ZNF385B: variants seen among roughly 807,000 people sequenced by gnomAD.
ZNF385B encodes the protein zinc finger protein 385B, also known as zinc finger protein 533.
ZNF385B carries 23 observed loss-of-function variants against 39.2 expected under a neutral mutation model. The ratio of observed to expected loss-of-function variants is 0.59; its 90% confidence interval spans 0.42 to 0.83. The LOEUF (loss-of-function observed/expected upper bound fraction) is 0.83, where lower values mean the gene tolerates loss of function less well. ZNF385B is among the 40% of genes least tolerant of loss of function. The pLI is 0.00. For missense variants in ZNF385B, 552 were observed against 598.9 expected (o/e 0.92, Z 0.82); for synonymous variants, 205 against 222.6 (o/e 0.92, Z 0.70).
chr2:179,742,531 G>A (rs1353909320), intron 3 of ZNF385B, among the ~76,000 whole-genome samples: 3 of 151,908 alleles, frequency 2.0e-5, no homozygotes, highest in Non-Finnish European at 4.4e-5. Flanking sequence ...ATTTAACTCA[G>A]AGTTCGATAT....
intron 5 of ZNF385B, among the ~76,000 whole-genome samples, chr2:179,507,422 C>G (rs969785697): frequency 1.3e-5 from 2 of 152,150 alleles, no homozygotes; most frequent in East Asian, 1.9e-4. Context: ...CCACCAGGAA[C>G]CTTTGTGCAA....
chr2:179,693,493 A>G (rs1185991804), intron 3 of ZNF385B, among the ~76,000 whole-genome samples: 1 of 152,240 alleles, frequency 6.6e-6, no homozygotes, highest in Non-Finnish European at 1.5e-5. Context: ...AATGGAGAGA[A>G]TAATGCAATA....
chr2:179,610,881 T>C (rs921842128), intron 3 of ZNF385B, among the ~76,000 whole-genome samples: 4 of 152,200 alleles, frequency 2.6e-5, no homozygotes, highest in African/African-American at 7.2e-5. Flanking sequence ...AATTTTTGTA[T>C]GTTGATTTTG....
At chr2:179,745,829 A>G in intron 3 of ZNF385B, 2 of 1,398,430 alleles carry the variant, frequency 1.4e-6, no homozygotes, top group Non-Finnish European at 1.9e-6. Flanking sequence ...CGCTACCGAG[A>G]CTTGGCTCCA....
rs945648545 is a variant in ZNF385B, at chr2:179,606,611, G to T, written c.299-61642C>A. Among the ~76,000 whole-genome samples the T allele has an allele frequency of 2.8e-4, 43 of 151,970 alleles. 1 individual carries two copies. The highest frequency in any genetic ancestry group is 1.0e-3 in the African/African-American group (43 of 41,368). On this transcript the variant is annotated intron_variant, in intron 3 of 9. Coordinates refer to ENST00000410066, the MANE Select transcript of ZNF385B (RefSeq NM_152520.6). ...CATGCACATAATTTAAAATTTAATA[G>T]CTACATGTCATTCTGGTTTTTCCTT...
At chr2:179,575,661 G>A (rs2106012525) in intron 3 of ZNF385B, among the ~76,000 whole-genome samples, 1 of 152,146 alleles carries the variant, frequency 6.6e-6, no homozygotes, top group South Asian at 2.1e-4. Context: ...AGACCCAGGG[G>A]AAGAATATCA....
chr2:179,756,990 G>A (rs1199905026), intron 3 of ZNF385B, among the ~76,000 whole-genome samples: 1 of 152,150 alleles, frequency 6.6e-6, no homozygotes, highest in African/African-American at 2.4e-5. Flanking sequence ...GTCCAGCTTT[G>A]TTCTGTTGCT....
rs898156024 is a variant in ZNF385B at position 179,589,822 on chromosome 2, C to T, written c.299-44853G>A. On this transcript the variant is annotated intron_variant, in intron 3 of 9. Coordinates refer to ENST00000410066, the MANE Select transcript of ZNF385B (RefSeq NM_152520.6). ...TCTTATGGAAAGCTATGTATTGGGC[C>T]AACTTGAAAAGAGGATGTTATTGTG... Among the ~76,000 whole-genome samples, 9 of 152,114 alleles carry T rather than the reference C, an allele frequency of 5.9e-5. No homozygotes were observed. In the South Asian group the frequency reaches 8.3e-4, roughly 14 times the overall value.
At chr2:179,616,336 C>T (rs1689733048) in intron 3 of ZNF385B, among the ~76,000 whole-genome samples, 1 of 152,086 alleles carries the variant, frequency 6.6e-6, no homozygotes, top group Admixed American at 6.5e-5. Flanking sequence ...GCTAGTCTTA[C>T]TCTCCTTCTC....
intron 6 of ZNF385B, among the ~76,000 whole-genome samples, chr2:179,465,218 C>T (rs1574276236): frequency 6.6e-6 from 1 of 152,220 alleles, no homozygotes; most frequent in Non-Finnish European, 1.5e-5. Flanking sequence ...GTTCTAGACC[C>T]CTTCACCATC....
Position 179,505,638 on chromosome 2 carries a change from T to G in ZNF385B, c.552+12890A>C, listed in dbSNP as rs571306599. Among the ~76,000 whole-genome samples the G allele has an allele frequency of 4.5e-4, 69 of 152,232 alleles. 1 individual carries two copies. In the South Asian group the frequency reaches 0.013, roughly 29 times the overall value. Reference sequence around the variant, plus strand: ...AACATTCAGTGAGAATTATTGAAGATAAAAAGGAAACTATTTGGTGATTAT... The same window carrying G: ...AACATTCAGTGAGAATTATTGAAGAGAAAAAGGAAACTATTTGGTGATTAT... On this transcript the variant is annotated intron_variant, in intron 5 of 9. Transcript: ENST00000410066.
intron 1 of ZNF385B, among the ~76,000 whole-genome samples, chr2:179,825,698 T>A (rs1280389806): frequency 1.3e-5 from 2 of 152,172 alleles, no homozygotes; most frequent in Non-Finnish European, 2.9e-5. Context: ...CACCAAGCCA[T>A]CTGAGAATGG....
chr2:179,769,740 A>C lies in ZNF385B; in HGVS notation c.61T>G (p.Phe21Val). Residue 21 changes from phenylalanine to valine, a missense_variant, in exon 3 of 10, where the codon TTT becomes GTT. Phe to Val is a conservative substitution (Grantham distance 50, BLOSUM62 -1). Transcript: ENST00000410066. Reference protein sequence around the residue: ...LEDGIMNMANFLRGFEEKGIK... With the variant: ...LEDGIMNMANVLRGFEEKGIK... ...CCCTTTTCTTCAAAGCCCCGTAGAA[A>C]ATTTGCCATATTCATGATTCCATCT... 6.2e-7 allele frequency: 1 copy of C among 1,614,042 alleles called. No homozygotes were observed. The highest frequency in any genetic ancestry group is 1.1e-5 in the South Asian group (1 of 91,076).
At chr2:179,487,748 T>C (rs138514485) in intron 5 of ZNF385B, among the ~76,000 whole-genome samples, 3 of 152,308 alleles carry the variant, frequency 2.0e-5, no homozygotes, top group African/African-American at 7.2e-5. Context: ...CCTCCTAAAG[T>C]GCTGCTGTGC....
At chr2:179,818,759 C>T (rs1707223444) in intron 1 of ZNF385B, among the ~76,000 whole-genome samples, 1 of 152,080 alleles carries the variant, frequency 6.6e-6, no homozygotes, top group Non-Finnish European at 1.5e-5. Context: ...AGTGACTCAC[C>T]GTCTGTCTAC....
chr2:179,819,900 T>C (rs1288672196), intron 1 of ZNF385B, among the ~76,000 whole-genome samples: 1 of 152,202 alleles, frequency 6.6e-6, no homozygotes, highest in Non-Finnish European at 1.5e-5. Context: ...CAATTAGACA[T>C]ATTGCACGAG....
chr2:179,676,763 A>G (rs377143066), intron 3 of ZNF385B, among the ~76,000 whole-genome samples: 8 of 152,104 alleles, frequency 5.3e-5, no homozygotes, highest in East Asian at 1.9e-4. Flanking sequence ...TCAGGGGTCA[A>G]TTGGTAATGT....
At chr2:179,625,102 C>T (rs1409771656) in intron 3 of ZNF385B, among the ~76,000 whole-genome samples, 1 of 152,152 alleles carries the variant, frequency 6.6e-6, no homozygotes, top group Non-Finnish European at 1.5e-5. Flanking sequence ...AAATCCATTA[C>T]CTGGAGTGGT....
At chr2:179,854,575 A>G (rs1448932890) in intron 1 of ZNF385B, among the ~76,000 whole-genome samples, 3 of 152,194 alleles carry the variant, frequency 2.0e-5, no homozygotes, top group African/African-American at 7.2e-5. Context: ...GCTTGAAATC[A>G]GTATAAACCA....
Sources: gnomAD v4.1 joint callset for allele counts (sites outside exome capture counted in the v4.1 genomes callset) on GRCh38, gnomAD v4.1.1 for gene constraint, MANE v1.5 for transcripts, NCBI Gene and HGNC (gene_info 2026-07-23, HGNC 2026-07-21) for gene names.